The following ERICH1 variants were observed in gnomAD, a reference collection of about 807,000 sequenced individuals.
ERICH1 encodes the protein glutamate rich 1, also known as glutamate-rich protein 1.
In ERICH1, 56 loss-of-function variants were observed where a neutral mutation model predicts 39.6. The ratio of observed to expected loss-of-function variants is 1.41; its 90% CI spans 1.14 to 1.77. The LOEUF is 1.77. ERICH1 is among the 40% of genes most tolerant of loss of function. The pLI, the probability that ERICH1 is intolerant of heterozygous loss-of-function variation, is 0.00. For missense variants in ERICH1, 826 were observed against 575.4 expected (o/e 1.44, Z -4.45); for synonymous variants, 313 against 223.6 (o/e 1.40, Z -3.57).
At chr8:662,530 C>A (rs1338482042), downstream of ERICH1, among the ~76,000 whole-genome samples, 1 of 152,090 alleles carries the variant, frequency 6.6e-6, no homozygotes, top group Non-Finnish European at 1.5e-5. Context: ...TGCCTGTAAT[C>A]CCAGCTACTT....
chr8:678,572 G>T (rs902145315), intron 3 of ERICH1, among the ~76,000 whole-genome samples: 6 of 152,224 alleles, frequency 3.9e-5, no homozygotes, highest in Admixed American at 3.3e-4. Flanking sequence ...AGTCTTGGGA[G>T]GCCGAGGCGG....
intron 2 of ERICH1, among the ~76,000 whole-genome samples, chr8:699,091 C>T (rs890069316): frequency 5.9e-5 from 9 of 151,842 alleles, no homozygotes; most frequent in African/African-American, 1.5e-4. Context: ...CTACGGCCTG[C>T]GCAACACAGG....
intron 1 of ERICH1, among the ~76,000 whole-genome samples, chr8:717,465 G>A (rs1816274055): frequency 2.0e-5 from 3 of 152,138 alleles, no homozygotes; most frequent in Admixed American, 6.5e-5. Context: ...AGTGCTCCCA[G>A]GTATGTTCAA....
intron 2 of ERICH1, 41 bp downstream of exon 2, chr8:715,820 T>C (rs1031021757): frequency 1.9e-6 from 3 of 1,579,312 alleles, no homozygotes; most frequent in Non-Finnish European, 2.6e-6. Context: ...GGAGGTTAAC[T>C]TCAGTTTCTG....
rs1490917005 is a variant in ERICH1, at chr8:673,364, C to A, written c.988G>T (p.Asp330Tyr). The stretch of plus-strand genomic sequence containing the variant: ...TGTGCCTTTTCATTGGTAATTGTAT[C>A]ATCTTCCTCGCTGGCGTCTGCACCG... The part of the protein sequence containing the change: ...EDGADASEED[D>Y]TITNEKAHSI... The change falls in exon 4 of 6, where the codon GAT becomes TAT. Residue 330 changes from aspartate (D) to tyrosine (Y), a missense_variant. By Grantham distance (160) the Asp-to-Tyr change is radical. Coordinates refer to ENST00000262109, the MANE Select transcript of ERICH1 (RefSeq NM_207332.3). 2 of 1,614,108 alleles carry A rather than the reference C, an allele frequency of 1.2e-6. No homozygotes were observed. Among genetic ancestry groups the A allele is most frequent in the African/African-American group, 2.7e-5 (2 of 74,934 alleles).
intron 3 of ERICH1, among the ~76,000 whole-genome samples, chr8:636,163 G>A (rs918595000): frequency 2.0e-5 from 3 of 152,174 alleles, no homozygotes; most frequent in Admixed American, 6.5e-5. Flanking sequence ...GAATCCCTGC[G>A]CCCCGGCCAC....
chr8:685,427 C>A (rs1372660365), intron 3 of ERICH1, among the ~76,000 whole-genome samples: 2 of 152,240 alleles, frequency 1.3e-5, no homozygotes, highest in East Asian at 3.9e-4. Flanking sequence ...GCAGTTAACG[C>A]AACCATCACA....
At chr8:700,752 A>T (rs529755997) in intron 2 of ERICH1, among the ~76,000 whole-genome samples, 1 of 152,362 alleles carries the variant, frequency 6.6e-6, no homozygotes, top group African/African-American at 2.4e-5. Context: ...TCCTCCATGC[A>T]AATGTGGTTT....
chr8:653,257 G>A (rs1405444353), intron 3 of ERICH1, among the ~76,000 whole-genome samples: 1 of 152,240 alleles, frequency 6.6e-6, no homozygotes, highest in Non-Finnish European at 1.5e-5. Context: ...CGAACTAAAT[G>A]TGGCCTGAGA....
At chr8:706,605 C>A (rs1411298215) in intron 2 of ERICH1, among the ~76,000 whole-genome samples, 1 of 152,122 alleles carries the variant, frequency 6.6e-6, no homozygotes, top group Admixed American at 6.5e-5. Context: ...GAAACCCCAT[C>A]TCTACTAAAA....
chr8:717,657 C>T (rs557541755), intron 1 of ERICH1, among the ~76,000 whole-genome samples: 1 of 152,340 alleles, frequency 6.6e-6, no homozygotes, highest in Admixed American at 6.5e-5. Flanking sequence ...AAACCATAAC[C>T]AGCCGTCCAA....
At chr8:689,407 G>GGCA (rs1177326024) in intron 3 of ERICH1, among the ~76,000 whole-genome samples, 1 of 152,204 alleles carries the variant, frequency 6.6e-6, no homozygotes, top group Non-Finnish European at 1.5e-5. Flanking sequence ...CACTGCGCCT[G>GGCA]GCCTCACCTA....
At chr8:709,821 GATCC>G (rs1309346358) in intron 2 of ERICH1, among the ~76,000 whole-genome samples, 3 of 152,156 alleles carry the variant, frequency 2.0e-5, no homozygotes, top group Non-Finnish European at 2.9e-5. Flanking sequence ...ACTTAGGAAT[GATCC>G]ATCATCCATC....
At chr8:675,064 A>G (rs957700396) in intron 3 of ERICH1, among the ~76,000 whole-genome samples, 3 of 152,210 alleles carry the variant, frequency 2.0e-5, no homozygotes, top group Admixed American at 6.5e-5. Flanking sequence ...GGTGGGCAGG[A>G]AGCACCATGG....
intron 5 of ERICH1, 70 bp downstream of exon 5, chr8:668,528 A>T: frequency 6.4e-7 from 1 of 1,552,422 alleles, no homozygotes; most frequent in Non-Finnish European, 8.9e-7. Context: ...GGTGGCGTGT[A>T]AGTCTTTCAG....
At chr8:649,946 G>C (rs929053538) in intron 3 of ERICH1, among the ~76,000 whole-genome samples, 3 of 152,166 alleles carry the variant, frequency 2.0e-5, no homozygotes, top group Non-Finnish European at 4.4e-5. Flanking sequence ...CTGGCGTCAG[G>C]GAGAAGACGG....
chr8:673,892 C>T lies in ERICH1; in HGVS notation c.460G>A (p.Gly154Ser). The T allele has an allele frequency of 6.2e-7, 1 of 1,613,540 alleles. No individual in the cohort carries two copies. Among genetic ancestry groups the T allele is most frequent in the Non-Finnish European group, 8.5e-7 (1 of 1,180,010 alleles). ...QEKSQRQHTD[G>S]TTISKNKKRK... ...TTTTTATTTTTGCTTATTGTGGTGCCATCTGTGTGCTGTCGCTGAGATTTC... is the reference window on the plus strand; with the variant it reads ...TTTTTATTTTTGCTTATTGTGGTGCTATCTGTGTGCTGTCGCTGAGATTTC... Residue 154 changes from glycine to serine, a missense_variant, in exon 4 of 6, where the codon GGC becomes AGC. Coordinates refer to ENST00000262109, the MANE Select transcript of ERICH1 (RefSeq NM_207332.3).
At chr8:673,060 C>T (rs1374706981) in intron 4 of ERICH1, among the ~76,000 whole-genome samples, 1 of 152,276 alleles carries the variant, frequency 6.6e-6, no homozygotes, top group African/African-American at 2.4e-5. Context: ...ACGCCAGGGG[C>T]GCATGCCCAT....
intron 2 of ERICH1, among the ~76,000 whole-genome samples, chr8:700,408 GGCGCACAGGCCCGCAGAC>G (rs1811766374): frequency 3.4e-5 from 1 of 29,104 alleles, no homozygotes; most frequent in East Asian, 7.5e-4. Flanking sequence ...GGCCCGCACA[GGCGCACAGGCCCGCAGAC>G]GCGCACAGGC....
Sources: gnomAD v4.1 joint callset for allele counts (sites outside exome capture counted in the v4.1 genomes callset) on GRCh38, gnomAD v4.1.1 for gene constraint, MANE v1.5 for transcripts, NCBI Gene and HGNC (gene_info 2026-07-23, HGNC 2026-07-21) for gene names.